Variants in AKR1B15 observed in about 807,000 individuals in gnomAD.
AKR1B15 encodes the protein aldo-keto reductase family 1 member B15, also known as estradiol 17-beta-dehydrogenase AKR1B15.
Under a neutral mutation model 38.5 loss-of-function variants are expected in AKR1B15, and 49 were observed. That is an observed-to-expected ratio of 1.27 (90% CI 1.01 to 1.62). The LOEUF (loss-of-function observed/expected upper bound fraction) is 1.62, where lower values mean the gene tolerates loss of function less well. Ranked by LOEUF, AKR1B15 falls within the 40% of genes most tolerant of loss-of-function variation. AKR1B15 has a pLI of 0.00. For missense variants in AKR1B15, 411 were observed against 381.6 expected, an observed-to-expected ratio of 1.08 and a Z score of -0.64; for synonymous variants, 137 against 135.5, an observed-to-expected ratio of 1.01 and a Z score of -0.08.
intron 4 of AKR1B15, 139 bp downstream of exon 4, chr7:134,568,464 A>C: frequency 7.8e-7 from 1 of 1,284,336 alleles, no homozygotes; most frequent in Non-Finnish European, 1.1e-6. Context: ...CCGTGGATAC[A>C]ATACTATCCA....
chr7:134,577,640 G>A (rs1423497068), intron 10 of AKR1B15, 64 bp from the exon 11 acceptor site: 24 of 1,563,358 alleles, frequency 1.5e-5, no homozygotes, highest in Middle Eastern at 1.7e-4. Flanking sequence ...TAGAATGGCC[G>A]GCAGTCTCCA....
chr7:134,562,924 T>C (rs1794453383), intron 2 of AKR1B15, among the ~76,000 whole-genome samples: 2 of 150,614 alleles, frequency 1.3e-5, no homozygotes, highest in Non-Finnish European at 3.0e-5. Context: ...CTTCCTTCCT[T>C]GCTCCCTTCC....
Position 134,565,524 on chromosome 7 carries a change from T to C in AKR1B15, c.150+755T>C, listed in dbSNP as rs774844021. The C allele has an allele frequency of 1.1e-5, 18 of 1,613,702 alleles. No individual in the cohort carries two copies. The Admixed American group carries it at 1.7e-4, about 15-fold the overall frequency. ...CTCAGTACAAAAGCCAAGATGCCCA[T>C]TGTGGGCCTGGGCACTTGGAGGGTA... On this transcript the variant is annotated intron_variant, in intron 3 of 11. Transcript: ENST00000457545.
chr7:134,576,763 A>C (rs1794775755), intron 9 of AKR1B15, among the ~76,000 whole-genome samples, 200 bp from the exon 10 acceptor site: 1 of 151,804 alleles, frequency 6.6e-6, no homozygotes, highest in South Asian at 2.1e-4. Flanking sequence ...TAAAAAAGGA[A>C]GATCACAGGG....
chr7:134,562,002 T>C (rs1399133860), intron 2 of AKR1B15, among the ~76,000 whole-genome samples: 1 of 152,178 alleles, frequency 6.6e-6, no homozygotes, highest in Non-Finnish European at 1.5e-5. Context: ...CTCTTTCTTT[T>C]ACACAGGGTC....
At chr7:134,552,956 A>T (rs865995710) in intron 1 of AKR1B15, among the ~76,000 whole-genome samples, 2 of 152,110 alleles carry the variant, frequency 1.3e-5, no homozygotes, top group African/African-American at 4.8e-5. Flanking sequence ...ACGACCTGTT[A>T]TTGGCTACTG....
At chr7:134,577,972 T>A (rs373181259) in intron 11 of AKR1B15, among the ~76,000 whole-genome samples, 186 bp downstream of exon 11, 1 of 152,218 alleles carries the variant, frequency 6.6e-6, no homozygotes, top group African/African-American at 2.4e-5. Context: ...AATTGCTGCT[T>A]ATTGTCTGAA....
intron 2 of AKR1B15, among the ~76,000 whole-genome samples, chr7:134,561,158 G>A (rs905940374): frequency 6.6e-6 from 1 of 152,138 alleles, no homozygotes; most frequent in Non-Finnish European, 1.5e-5. Context: ...AAAATAAGGT[G>A]CCCCATGTGC....
At chr7:134,563,471 C>G (rs560037577) in intron 2 of AKR1B15, among the ~76,000 whole-genome samples, 91 of 152,248 alleles carry the variant, frequency 6.0e-4, no homozygotes, top group African/African-American at 2.2e-3. Context: ...TTGCTTGAAC[C>G]TGGGAGACAG....
At chr7:134,562,301 C>G (rs1353308690) in intron 2 of AKR1B15, among the ~76,000 whole-genome samples, 1 of 152,198 alleles carries the variant, frequency 6.6e-6, no homozygotes, top group Non-Finnish European at 1.5e-5. Context: ...AATGCTTCCA[C>G]ATCCTGTAAG....
At chr7:134,551,652 A>C (rs1056922982) in intron 1 of AKR1B15, among the ~76,000 whole-genome samples, 2 of 152,204 alleles carry the variant, frequency 1.3e-5, no homozygotes, top group African/African-American at 4.8e-5. Context: ...AGCATCAAAA[A>C]GACAGGCAAA....
chr7:134,574,658 A>C (rs2117668176), intron 6 of AKR1B15, among the ~76,000 whole-genome samples: 1 of 152,318 alleles, frequency 6.6e-6, no homozygotes, highest in East Asian at 1.9e-4. Flanking sequence ...ATGGCTACTA[A>C]ATACATGTTG....
chr7:134,558,171 G>T (rs892783601), intron 2 of AKR1B15, among the ~76,000 whole-genome samples: 1 of 152,098 alleles, frequency 6.6e-6, no homozygotes, highest in Non-Finnish European at 1.5e-5. Flanking sequence ...TTTACACCCT[G>T]GCCAAACAAG....
At chr7:134,578,160 G>A (rs73724980) in intron 11 of AKR1B15, among the ~76,000 whole-genome samples, 2,561 of 152,248 alleles carry the variant, frequency 0.017, 74 homozygotes, top group African/African-American at 0.058. Context: ...CTTAGGGAGG[G>A]AGGGAAGAAG....
chr7:134,556,189 C>G lies in AKR1B15; in HGVS notation c.-146-547C>G, dbSNP rs150653447. ...GGTGACCCTATGTTCCAAAAACACC[C>G]AGAGAGAGTCGATTTAACTGTCCCA... is the stretch of plus-strand genomic sequence containing the variant. On this transcript the variant is annotated intron_variant, in intron 1 of 11. Coordinates refer to ENST00000457545, the MANE Select transcript of AKR1B15 (RefSeq NM_001080538.3). Among the ~76,000 whole-genome samples the G allele has an allele frequency of 3.3e-3, 498 of 152,240 alleles. 4 individuals are homozygous for G. Among genetic ancestry groups the G allele is most frequent in the African/African-American group, 0.011 (462 of 41,532 alleles).
Position 134,575,881 on chromosome 7 carries a change from A to G in AKR1B15, c.697A>G (p.Ile233Val), listed in dbSNP as rs929081548. The G allele has an allele frequency of 1.2e-6, 2 of 1,613,682 alleles. No homozygotes were observed. Among genetic ancestry groups the G allele is most frequent in the African/African-American group, 2.7e-5 (2 of 74,902 alleles). Residue 233 changes from isoleucine (I) to valine (V), a missense_variant, in exon 8 of 12, where the codon ATC becomes GTC. Around this residue, in one of 3 missense-constraint regions of AKR1B15, gnomAD observed 24 missense variants for 48.9 expected, o/e 0.49. Coordinates refer to ENST00000457545, the MANE Select transcript of AKR1B15 (RefSeq NM_001080538.3). ...GATCCAGTACTGCCACTCCAAGGGC[A>G]TCACCGTTACGGCCTACAGCCCCCT... ...KLIQYCHSKG[I>V]TVTAYSPLGS...
At chr7:134,558,118 G>A (rs1272166030) in intron 2 of AKR1B15, among the ~76,000 whole-genome samples, 1 of 152,174 alleles carries the variant, frequency 6.6e-6, no homozygotes, top group Non-Finnish European at 1.5e-5. Context: ...GGGACCCCAA[G>A]CAATGTGCAA....
At chr7:134,550,369 T>G (rs1375136837) in intron 1 of AKR1B15, among the ~76,000 whole-genome samples, 1 of 152,184 alleles carries the variant, frequency 6.6e-6, no homozygotes, top group African/African-American at 2.4e-5. Context: ...CTTGGCTGTG[T>G]TCTCCCTCCT....
intron 11 of AKR1B15, 55 bp from the exon 12 acceptor site, chr7:134,579,452 A>G (rs1411803394): frequency 4.8e-6 from 7 of 1,451,168 alleles, no homozygotes; most frequent in South Asian, 1.3e-5. Flanking sequence ...CTTCTCAGCG[A>G]GAGTTGTTGC....
Sources: gnomAD v4.1 joint callset for allele counts (sites outside exome capture counted in the v4.1 genomes callset) on GRCh38, gnomAD v4.1.1 for gene constraint, gnomAD v4.1.1 regional missense constraint, MANE v1.5 for transcripts, NCBI Gene and HGNC (gene_info 2026-07-23, HGNC 2026-07-21) for gene names.